The following AP4E1 variants were observed in gnomAD, a reference collection of about 807,000 sequenced individuals.
The protein encoded by AP4E1 is adaptor related protein complex 4 subunit epsilon 1, also known as AP-4 complex subunit epsilon-1.
A neutral mutation model predicts 128.2 loss-of-function variants in AP4E1; 56 were observed. That is an observed-to-expected ratio of 0.44 (90% confidence interval 0.35 to 0.55). AP4E1 has a LOEUF of 0.55. Among genes scored for constraint, AP4E1 ranks in the 20% least tolerant of loss-of-function variants. The probability of loss-of-function intolerance (pLI) is 0.00; values close to 1 mark genes in which losing one functional copy is unlikely to be tolerated. For missense variants in AP4E1, 1,324 were observed against 1,307.7 expected (o/e 1.01, Z -0.19); for synonymous variants, 484 against 473.1 (o/e 1.02, Z -0.30).
intron 13 of AP4E1, among the ~76,000 whole-genome samples, chr15:50,957,129 TC>T (rs2064235144): frequency 6.6e-6 from 1 of 152,170 alleles, no homozygotes; most frequent in African/African-American, 2.4e-5. Flanking sequence ...CCCTTTTGTA[TC>T]TGCACTCACT....
At chr15:50,926,485 GTCAGTTATATAT>G (rs2063770904) in intron 5 of AP4E1, among the ~76,000 whole-genome samples, 1 of 152,070 alleles carries the variant, frequency 6.6e-6, no homozygotes, top group African/African-American at 2.4e-5. Context: ...ATTATGGTAT[GTCAGTTATATAT>G]TCTTGATGAA....
At chr15:50,918,751 A>G (rs1388722665) in intron 3 of AP4E1, among the ~76,000 whole-genome samples, 1 of 152,134 alleles carries the variant, frequency 6.6e-6, no homozygotes, top group Non-Finnish European at 1.5e-5. Flanking sequence ...TATCTATACT[A>G]TCTCTTACTT....
intron 8 of AP4E1, among the ~76,000 whole-genome samples, chr15:50,935,604 G>C (rs1433170182): frequency 1.3e-5 from 2 of 152,142 alleles, no homozygotes; most frequent in African/African-American, 4.8e-5. Context: ...CAGTAGAAGA[G>C]GCACTGAGAG....
At chr15:50,993,306 G>A in intron 16 of AP4E1, 64 bp from the exon 17 acceptor site, 1 of 1,561,614 alleles carries the variant, frequency 6.4e-7, no homozygotes, top group Non-Finnish European at 8.8e-7. Flanking sequence ...TTGAAAGAAT[G>A]CCTCAAGAAA....
chr15:50,923,766 C>T (rs2063736071), intron 3 of AP4E1, among the ~76,000 whole-genome samples, 165 bp from the exon 4 acceptor site: 2 of 152,094 alleles, frequency 1.3e-5, no homozygotes, highest in Admixed American at 1.3e-4. Context: ...TGAAGAATAG[C>T]TGAAATCTTC....
chr15:50,957,090 G>T (rs2064234613), intron 13 of AP4E1, among the ~76,000 whole-genome samples: 1 of 152,218 alleles, frequency 6.6e-6, no homozygotes, highest in Non-Finnish European at 1.5e-5. Context: ...GTCATCAGCA[G>T]ACGGCTTAAG....
intron 10 of AP4E1, among the ~76,000 whole-genome samples, chr15:50,942,660 T>C (rs1417123041): frequency 6.7e-6 from 1 of 148,370 alleles, no homozygotes; most frequent in African/African-American, 2.4e-5. Context: ...ATTACTTTTG[T>C]ATATTACATT....
At chr15:50,983,096 G>A (rs2064664826) in intron 15 of AP4E1, among the ~76,000 whole-genome samples, 1 of 152,166 alleles carries the variant, frequency 6.6e-6, no homozygotes, top group African/African-American at 2.4e-5. Context: ...ATACAAGATA[G>A]ACGGTTATTG....
intron 10 of AP4E1, chr15:50,945,499 G>T (rs1385806494): frequency 1.3e-6 from 1 of 755,762 alleles, no homozygotes; most frequent in Non-Finnish European, 2.4e-6. Flanking sequence ...GTTCCATATG[G>T]ATCATGTATC....
At chr15:50,913,580 G>A (rs1020678393) in intron 2 of AP4E1, among the ~76,000 whole-genome samples, 2 of 152,192 alleles carry the variant, frequency 1.3e-5, no homozygotes, top group Non-Finnish European at 2.9e-5. Flanking sequence ...GAGAATTCTT[G>A]CATTGGGGAA....
At position 51,001,189 on chromosome 15, in the gene AP4E1, T is replaced by C; in HGVS notation, c.3253+6T>C. The C allele has an allele frequency of 6.2e-7, 1 of 1,612,374 alleles. No homozygotes were observed. Among genetic ancestry groups the C allele is most frequent in the Non-Finnish European group, 8.5e-7 (1 of 1,178,938 alleles). ...CCATATTATTGAGATTATAGGTTTG[T>C]AGAGTTATAAAAAGGCTATTCTGTG... On this transcript the variant is annotated splice_donor_region_variant and intron_variant, in intron 20 of 20. Coordinates refer to ENST00000261842, the MANE Select transcript of AP4E1 (RefSeq NM_007347.5).
chr15:50,912,325 C>T (rs1454460292), intron 2 of AP4E1, among the ~76,000 whole-genome samples, 176 bp downstream of exon 2: 1 of 152,174 alleles, frequency 6.6e-6, no homozygotes, highest in African/African-American at 2.4e-5. Context: ...GACTGGTTTG[C>T]ACCAGAACAA....
At chr15:50,957,457 G>C (rs2064240474) in intron 13 of AP4E1, among the ~76,000 whole-genome samples, 1 of 152,030 alleles carries the variant, frequency 6.6e-6, no homozygotes, top group Non-Finnish European at 1.5e-5. Flanking sequence ...CAGGGCCATG[G>C]GTGGTTTAGG....
At chr15:50,941,606 T>A in intron 9 of AP4E1, 42 bp downstream of exon 9, 4 of 1,612,480 alleles carry the variant, frequency 2.5e-6, no homozygotes, top group Non-Finnish European at 3.4e-6. Flanking sequence ...CAGAGATAGC[T>A]TTTGAAATTT....
At chr15:50,909,323 C>T (rs145058278) in intron 1 of AP4E1, among the ~76,000 whole-genome samples, 2,207 of 152,286 alleles carry the variant, frequency 0.014, 26 homozygotes, top group Middle Eastern at 0.037. Flanking sequence ...ACATTATTTA[C>T]CTTCCACAAA....
chr15:51,001,301 C>A, intron 20 of AP4E1, 118 bp downstream of exon 20: 1 of 939,334 alleles, frequency 1.1e-6, no homozygotes, highest in Non-Finnish European at 1.6e-6. Flanking sequence ...TTATGACTGT[C>A]TTTCAGATGA....
intron 10 of AP4E1, among the ~76,000 whole-genome samples, chr15:50,946,774 A>C (rs2064067248): frequency 6.6e-6 from 1 of 152,212 alleles, no homozygotes; most frequent in Non-Finnish European, 1.5e-5. Context: ...TTGAAACCTT[A>C]ATCTAGAGCT....
intron 14 of AP4E1, among the ~76,000 whole-genome samples, chr15:50,959,366 G>A (rs1204414168): frequency 6.6e-6 from 1 of 152,098 alleles, no homozygotes; most frequent in Non-Finnish European, 1.5e-5. Flanking sequence ...ACAAATAGTG[G>A]ATTTCTTAGC....
intron 13 of AP4E1, among the ~76,000 whole-genome samples, chr15:50,952,653 C>T (rs970925799): frequency 6.6e-6 from 1 of 152,102 alleles, no homozygotes; most frequent in African/African-American, 2.4e-5. Flanking sequence ...AGTTGAGGAT[C>T]ACAAATTGCC....
Sources: allele counts gnomAD v4.1 joint callset (sites outside exome capture counted in the v4.1 genomes callset), GRCh38; gene constraint gnomAD v4.1.1; transcripts MANE v1.5; gene names NCBI Gene and HGNC (gene_info 2026-07-23, HGNC 2026-07-21).